ACER3: variants seen among roughly 807,000 people sequenced by gnomAD.
The protein encoded by ACER3 is alkCDase 3.
ACER3 carries 16 observed loss-of-function variants against 48.9 expected under a neutral mutation model. The observed-to-expected ratio is 0.33, with a 90% confidence interval of 0.22 to 0.50. The LOEUF (loss-of-function observed/expected upper bound fraction) is 0.50. ACER3 is among the 20% of genes least tolerant of loss of function. ACER3 has a pLI of 0.98. For missense variants in ACER3, 227 were observed against 326.0 expected (o/e 0.70, Z 2.34); for synonymous variants, 109 against 107.8 (o/e 1.01, Z -0.07).
chr11:76,998,538 C>T (rs1948962355), intron 6 of ACER3: 1 of 444,776 alleles, frequency 2.2e-6, no homozygotes, highest in Non-Finnish European at 3.9e-6. Context: ...TGATATAGGA[C>T]TTCTGATACT....
In ACER3 at chr11:76,870,043, G is replaced by A. The variant is rs368732957; in HGVS notation, c.103+8964G>A. Among the ~76,000 whole-genome samples, 184 of 149,496 alleles carry A rather than the reference G, an allele frequency of 1.2e-3. 2 individuals are homozygous for A. The South Asian group carries it at 0.036, about 29-fold the overall frequency. On this transcript the variant is annotated intron_variant, in intron 1 of 10. Transcript: ENST00000532485. ...CACCTGGCTACTTTTTTTATTTTCC[G>A]TAGAGATGAGATCTTACTATGTTGC...
chr11:76,889,207 C>G (rs773361232), intron 1 of ACER3, among the ~76,000 whole-genome samples: 4 of 152,152 alleles, frequency 2.6e-5, no homozygotes, highest in Admixed American at 6.5e-5. Flanking sequence ...AAGCAACTCA[C>G]TGCCTTATCT....
intron 1 of ACER3, among the ~76,000 whole-genome samples, chr11:76,890,400 A>T (rs946938274): frequency 6.6e-6 from 1 of 152,230 alleles, no homozygotes; most frequent in African/African-American, 2.4e-5. Flanking sequence ...TATTTGTTGA[A>T]TGAATGAGGA....
intron 3 of ACER3, among the ~76,000 whole-genome samples, chr11:76,961,275 A>T (rs146182143): frequency 6.6e-6 from 1 of 152,360 alleles, no homozygotes. Flanking sequence ...ATTGGAGTTA[A>T]CAGTGCAGAC....
intron 2 of ACER3, among the ~76,000 whole-genome samples, chr11:76,938,858 C>T (rs903041009): frequency 2.6e-5 from 4 of 151,708 alleles, no homozygotes; most frequent in African/African-American, 9.7e-5. Flanking sequence ...GTTTTTAAGT[C>T]TTTCTGCACT....
chr11:76,869,382 G>A (rs747468413), intron 1 of ACER3, among the ~76,000 whole-genome samples: 17 of 152,168 alleles, frequency 1.1e-4, no homozygotes, highest in Admixed American at 7.9e-4. Flanking sequence ...TGCTATGATC[G>A]CTTATTACAA....
Position 77,024,396 on chromosome 11 carries a change from C to T in ACER3, c.*4069C>T, listed in dbSNP as rs1188818171. 1 of 151,786 alleles carries T rather than the reference C, an allele frequency of 6.6e-6. No homozygotes were observed. The highest frequency in any genetic ancestry group is 1.5e-5 in the Non-Finnish European group (1 of 68,008). 9.4% of individuals were successfully genotyped at this position (151,786 alleles called of 1,614,324 possible). On this transcript the variant is annotated 3_prime_UTR_variant, in exon 11 of 11. Coordinates refer to ENST00000532485, the MANE Select transcript of ACER3 (RefSeq NM_018367.7). ...AGGTCCTTGGGAGCATTCCACTGGA[C>T]TTCACCATTTCTCCAAAATTATCAG...
rs565107273 is a variant in ACER3 at position 76,915,884 on chromosome 11, T to A, written c.104-10673T>A. Among the ~76,000 whole-genome samples the A allele has an allele frequency of 6.6e-5, 10 of 152,272 alleles. No individual in the cohort carries two copies. The South Asian group carries it at 1.4e-3, about 22-fold the overall frequency. ...AATTCACTCAGTCTCAAGAACAGCA[T>A]GGGGGAACCACCCACATAATCCAAT... is the stretch of plus-strand genomic sequence containing the variant. On this transcript the variant is annotated intron_variant, in intron 1 of 10. Coordinates refer to ENST00000532485, the MANE Select transcript of ACER3 (RefSeq NM_018367.7).
intron 3 of ACER3, among the ~76,000 whole-genome samples, chr11:76,963,789 A>G (rs924150125): frequency 6.6e-6 from 1 of 151,508 alleles, no homozygotes; most frequent in Non-Finnish European, 1.5e-5. Flanking sequence ...AGTCAGGTTG[A>G]AAAGTAAGCC....
At chr11:76,922,926 A>G (rs1321660127) in intron 1 of ACER3, among the ~76,000 whole-genome samples, 1 of 152,140 alleles carries the variant, frequency 6.6e-6, no homozygotes, top group African/African-American at 2.4e-5. Context: ...CTCTCCTTTC[A>G]GGGTCTAGCT....
At chr11:77,019,623 T>G in intron 9 of ACER3, 108 bp from the exon 10 acceptor site, 1 of 1,044,290 alleles carries the variant, frequency 9.6e-7, no homozygotes, top group Non-Finnish European at 1.5e-6. Flanking sequence ...ACTCATGTTG[T>G]TTTTGCTTCG....
intron 3 of ACER3, among the ~76,000 whole-genome samples, chr11:76,959,743 G>A (rs992751031): frequency 2.0e-5 from 3 of 151,656 alleles, no homozygotes; most frequent in Admixed American, 1.3e-4. Flanking sequence ...TAGTAGAGAC[G>A]GGGTTTCAAC....
chr11:76,896,477 G>C (rs1314363256), intron 1 of ACER3, among the ~76,000 whole-genome samples: 1 of 151,624 alleles, frequency 6.6e-6, no homozygotes, highest in East Asian at 1.9e-4. Context: ...TGGGCAACAT[G>C]ATGAAACCCT....
intron 2 of ACER3, among the ~76,000 whole-genome samples, chr11:76,929,717 T>G (rs1417417866): frequency 6.6e-6 from 1 of 152,264 alleles, no homozygotes; most frequent in African/African-American, 2.4e-5. Context: ...GCTGCATCTA[T>G]TGCGATAACC....
At chr11:76,862,131 C>G (rs954078706) in intron 1 of ACER3, among the ~76,000 whole-genome samples, 4 of 152,200 alleles carry the variant, frequency 2.6e-5, no homozygotes, top group African/African-American at 9.6e-5. Context: ...TTAGTTGGAT[C>G]TACTTCTCAG....
chr11:76,978,327 A>C (rs1454397466), intron 4 of ACER3: 1 of 151,982 alleles, frequency 6.6e-6, no homozygotes, highest in Non-Finnish European at 1.5e-5. Flanking sequence ...ATCAATCAGC[A>C]CTCACTTCCT....
intron 1 of ACER3, among the ~76,000 whole-genome samples, chr11:76,924,807 G>A (rs1254824176): frequency 6.6e-6 from 1 of 151,324 alleles, no homozygotes; most frequent in Non-Finnish European, 1.5e-5. Flanking sequence ...TTTCTGTGTA[G>A]ACTACTAAAA....
At chr11:76,948,362 G>T (rs577343107) in intron 2 of ACER3, among the ~76,000 whole-genome samples, 1 of 151,448 alleles carries the variant, frequency 6.6e-6, no homozygotes, top group Non-Finnish European at 1.5e-5. Context: ...AATTTAAAAC[G>T]CTCTTTTTAA....
At chr11:77,009,821 A>AAG (rs141987581) in intron 7 of ACER3, among the ~76,000 whole-genome samples, 3,186 of 151,128 alleles carry the variant, frequency 0.021, 112 homozygotes, top group African/African-American at 0.074. Flanking sequence ...AATAAAAAGA[A>AAG]AGAGAGAGAG....
Sources: gnomAD v4.1 joint callset for allele counts (sites outside exome capture counted in the v4.1 genomes callset) on GRCh38, gnomAD v4.1.1 for gene constraint, MANE v1.5 for transcripts, NCBI Gene and HGNC (gene_info 2026-07-23, HGNC 2026-07-21) for gene names.